NBEA: variants seen among roughly 807,000 people sequenced by gnomAD.
The protein encoded by NBEA is lysosomal-trafficking regulator 2.
A neutral mutation model predicts 343.4 loss-of-function variants in NBEA; 44 were observed. The ratio of observed to expected loss-of-function variants is 0.13; its 90% CI spans 0.10 to 0.16. The LOEUF (loss-of-function observed/expected upper bound fraction) is 0.16. NBEA is among the 10% of genes least tolerant of loss of function. NBEA has a pLI of 1.00. For missense variants in NBEA, 2,555 were observed against 3,631.3 expected, an observed-to-expected ratio of 0.70 and a Z score of 7.62; for synonymous variants, 1,175 against 1,238.7, an observed-to-expected ratio of 0.95 and a Z score of 1.08.
At chr13:35,171,206 GTA>G (rs1265804117) in intron 25 of NBEA, 64 bp from the exon 26 acceptor site, 29 of 1,160,162 alleles carry the variant, frequency 2.5e-5, no homozygotes, top group Middle Eastern at 2.0e-4. Context: ...TAGTATGTAT[GTA>G]TATGTATTAT....
intron 38 of NBEA, among the ~76,000 whole-genome samples, chr13:35,416,328 T>C (rs1031885743): frequency 1.3e-5 from 2 of 152,186 alleles, no homozygotes; most frequent in Non-Finnish European, 2.9e-5. Context: ...TCAAAGGAAG[T>C]GCTTCCAGTT....
chr13:35,362,248 A>G (rs1387546810), intron 38 of NBEA, among the ~76,000 whole-genome samples: 1 of 151,916 alleles, frequency 6.6e-6, no homozygotes, highest in Non-Finnish European at 1.5e-5. Context: ...AAACACTATT[A>G]TGTTGGTCAT....
chr13:35,143,966 G>T (rs900820886), intron 18 of NBEA, among the ~76,000 whole-genome samples: 2 of 151,962 alleles, frequency 1.3e-5, no homozygotes, highest in Admixed American at 1.3e-4. Context: ...GTAAGCCATG[G>T]AACAGATCAA....
At chr13:35,193,743 A>G (rs948183460) in intron 30 of NBEA, among the ~76,000 whole-genome samples, 2 of 151,950 alleles carry the variant, frequency 1.3e-5, no homozygotes, top group Admixed American at 6.6e-5. Flanking sequence ...CACATTGGTC[A>G]TCCAATATGA....
chr13:35,649,569 C>G, intron 51 of NBEA, 86 bp from the exon 52 acceptor site: 2 of 1,121,442 alleles, frequency 1.8e-6, no homozygotes, highest in Non-Finnish European at 2.6e-6. Context: ...CTAGCCTTGT[C>G]TGTTTAACCT....
chr13:35,340,318 A>G (rs1284700815), intron 36 of NBEA, among the ~76,000 whole-genome samples: 1 of 152,090 alleles, frequency 6.6e-6, no homozygotes, highest in Non-Finnish European at 1.5e-5. Flanking sequence ...ATTCTAACAC[A>G]TTCTACAACA....
chr13:34,994,198 C>CG (rs1333878217), intron 1 of NBEA, among the ~76,000 whole-genome samples: 21 of 29,938 alleles, frequency 7.0e-4, no homozygotes, highest in South Asian at 3.2e-3. Flanking sequence ...GCTCTGTCTC[C>CG]AAAAAAAAAA....
chr13:35,581,221 A>T (rs375672332), intron 45 of NBEA, among the ~76,000 whole-genome samples: 3 of 152,088 alleles, frequency 2.0e-5, no homozygotes, highest in East Asian at 1.9e-4. Context: ...TGGTTGAACT[A>T]GTTTACAGTC....
At chr13:35,225,926 T>C (rs931042964) in intron 33 of NBEA, among the ~76,000 whole-genome samples, 1 of 152,158 alleles carries the variant, frequency 6.6e-6, no homozygotes, top group African/African-American at 2.4e-5. Context: ...TTTCTACATC[T>C]GAAATAGAAG....
At chr13:35,656,353 T>C (rs1313275158) in intron 55 of NBEA, among the ~76,000 whole-genome samples, 1 of 152,228 alleles carries the variant, frequency 6.6e-6, no homozygotes, top group African/African-American at 2.4e-5. Context: ...GAGGCTGGAC[T>C]CCTTCGTGAA....
chr13:35,454,286 A>G (rs2152947541), intron 40 of NBEA, among the ~76,000 whole-genome samples: 1 of 152,344 alleles, frequency 6.6e-6, no homozygotes, highest in East Asian at 1.9e-4. Context: ...CTAGACTAAC[A>G]TAATAGTTAC....
rs1037940576 is a variant in NBEA, at chr13:35,614,556, G to A, written c.7449+7978G>A. Reference sequence around the variant, plus strand: ...AATCAGTCAAGTGCTCAGTGAGGCCGTAGAGGAAATGTGAATTTTGTAGCT... The same window carrying A: ...AATCAGTCAAGTGCTCAGTGAGGCCATAGAGGAAATGTGAATTTTGTAGCT... On this transcript the variant is annotated intron_variant, in intron 48 of 58. Coordinates refer to ENST00000379939, the MANE Select transcript of NBEA (RefSeq NM_001385012.1). Among the ~76,000 whole-genome samples, 38 of 152,270 alleles carry A rather than the reference G, an allele frequency of 2.5e-4. 1 individual carries two copies. The highest frequency in any genetic ancestry group is 1.4e-3 in the East Asian group (7 of 5,172).
At chr13:34,992,296 C>T (rs2060790701) in intron 1 of NBEA, among the ~76,000 whole-genome samples, 3 of 142,508 alleles carry the variant, frequency 2.1e-5, no homozygotes, top group Admixed American at 7.3e-5. Context: ...GCTCTGTCAC[C>T]CAGGCTGGAG....
Position 35,430,064 on chromosome 13 carries a change from CTT to C in NBEA, c.6180-2203_6180-2202del, listed in dbSNP as rs772477644. Among the ~76,000 whole-genome samples, 120 of 152,210 alleles carry C rather than the reference CTT, an allele frequency of 7.9e-4. 1 individual carries two copies. Among genetic ancestry groups the C allele is most frequent in the Non-Finnish European group, 1.3e-3 (86 of 68,014 alleles). ...ACTGTTTTTCATTGTGGGTATACCA[CTT>C]TACATTCCCACCAACAGTGTAAAAT... On this transcript the variant is annotated intron_variant, in intron 38 of 58. Transcript: ENST00000379939.
intron 27 of NBEA, among the ~76,000 whole-genome samples, chr13:35,174,420 T>C (rs2070717463): frequency 6.6e-6 from 1 of 152,146 alleles, no homozygotes; most frequent in Non-Finnish European, 1.5e-5. Context: ...ATTACACTTG[T>C]AATTACATGT....
chr13:34,966,910 A>G (rs1026164280), intron 1 of NBEA, among the ~76,000 whole-genome samples: 4 of 151,638 alleles, frequency 2.6e-5, no homozygotes, highest in African/African-American at 4.8e-5. Flanking sequence ...CTTGTGCCAG[A>G]ATGCAAATCA....
chr13:35,013,372 A>G (rs904753181), intron 1 of NBEA, among the ~76,000 whole-genome samples: 3 of 152,198 alleles, frequency 2.0e-5, no homozygotes, highest in Admixed American at 2.0e-4. Context: ...AGATAAATGG[A>G]AAAGATTTAT....
intron 53 of NBEA, among the ~76,000 whole-genome samples, chr13:35,653,609 A>C (rs2084667500): frequency 6.6e-6 from 1 of 151,956 alleles, no homozygotes; most frequent in African/African-American, 2.4e-5. Context: ...GGGATTACAG[A>C]CGTGAGCCAC....
intron 43 of NBEA, among the ~76,000 whole-genome samples, chr13:35,552,183 T>C (rs926261520): frequency 1.2e-4 from 19 of 152,232 alleles, no homozygotes; most frequent in African/African-American, 4.6e-4. Flanking sequence ...CTAATCTTTG[T>C]CTATCCTCCC....
Sources: gnomAD v4.1 joint callset for allele counts (sites outside exome capture counted in the v4.1 genomes callset) on GRCh38, gnomAD v4.1.1 for gene constraint, MANE v1.5 for transcripts, NCBI Gene and HGNC (gene_info 2026-07-23, HGNC 2026-07-21) for gene names.